The following HDAC4 variants were observed in gnomAD, a reference collection of about 807,000 sequenced individuals.
The protein encoded by HDAC4 is histone deacetylase 4, also known as histone deacetylase A.
HDAC4 carries 16 observed loss-of-function variants against 135.1 expected under a neutral mutation model. That is an observed-to-expected ratio of 0.12 (90% CI 0.08 to 0.18). HDAC4 has a LOEUF of 0.18. Among genes scored for constraint, HDAC4 ranks in the 10% least tolerant of loss-of-function variants. HDAC4 has a pLI of 1.00. For synonymous variants in HDAC4, 685 were observed against 653.4 expected, an observed-to-expected ratio of 1.05 and a Z score of -0.74; for missense variants, 1,143 against 1,511.8, an observed-to-expected ratio of 0.76 and a Z score of 4.05.
intron 6 of HDAC4, 128 bp downstream of exon 6, chr2:239,163,675 G>T: frequency 1.0e-6 from 1 of 979,280 alleles, no homozygotes; most frequent in South Asian, 1.3e-5. Context: ...CTGTGCTTGG[G>T]GTTTCAATTC....
chr2:239,205,215 G>C (rs1400838607), intron 3 of HDAC4, among the ~76,000 whole-genome samples: 1 of 152,174 alleles, frequency 6.6e-6, no homozygotes, highest in Non-Finnish European at 1.5e-5. Context: ...AAGATAGATG[G>C]CTGACAATTT....
At chr2:239,101,876 G>A (rs1481503552) in intron 16 of HDAC4, among the ~76,000 whole-genome samples, 9 of 149,270 alleles carry the variant, frequency 6.0e-5, no homozygotes, top group Non-Finnish European at 1.2e-4. Context: ...GGACACCCCC[G>A]GCCCCGGGTC....
chr2:239,249,275 C>T (rs1020590168), intron 2 of HDAC4, among the ~76,000 whole-genome samples: 4 of 152,218 alleles, frequency 2.6e-5, no homozygotes, highest in African/African-American at 9.6e-5. Context: ...AAGGACCTTC[C>T]ATTCCGACTT....
At chr2:239,181,132 G>A (rs745927551) in intron 4 of HDAC4, among the ~76,000 whole-genome samples, 20 of 152,210 alleles carry the variant, frequency 1.3e-4, no homozygotes, top group Non-Finnish European at 1.9e-4. Context: ...AGGACCTGCC[G>A]GCTCTCCTCA....
intron 7 of HDAC4, among the ~76,000 whole-genome samples, chr2:239,147,931 C>T (rs2041867805): frequency 6.6e-6 from 1 of 152,244 alleles, no homozygotes; most frequent in Non-Finnish European, 1.5e-5. Flanking sequence ...ACTTAAACAT[C>T]CTGAGAGTCA....
At chr2:239,320,698 T>C (rs2053279851) in intron 2 of HDAC4, among the ~76,000 whole-genome samples, 2 of 152,166 alleles carry the variant, frequency 1.3e-5, no homozygotes, top group Admixed American at 1.3e-4. Context: ...TTATTTTGGT[T>C]CTTCCCATCT....
intron 3 of HDAC4, among the ~76,000 whole-genome samples, chr2:239,206,080 C>T (rs1049591798): frequency 2.0e-5 from 3 of 152,170 alleles, no homozygotes; most frequent in Non-Finnish European, 2.9e-5. Context: ...TGCAATCCCA[C>T]ACTTTGGGAG....
At chr2:239,317,918 G>C (rs779592150) in intron 2 of HDAC4, among the ~76,000 whole-genome samples, 1 of 151,790 alleles carries the variant, frequency 6.6e-6, no homozygotes. Flanking sequence ...AGGGCTTCCC[G>C]TCCTGAATGT....
At chr2:239,294,061 G>A (rs1052043910) in intron 2 of HDAC4, among the ~76,000 whole-genome samples, 12 of 152,300 alleles carry the variant, frequency 7.9e-5, no homozygotes, top group Admixed American at 1.3e-4. Context: ...TCGTCTCCCA[G>A]CCCACCCTCT....
chr2:239,068,449 G>A lies in HDAC4; in HGVS notation c.2869+40C>T, dbSNP rs769647183. 4 of 1,405,602 alleles carry A rather than the reference G, an allele frequency of 2.8e-6. No individual in the cohort carries two copies. The highest frequency in any genetic ancestry group is 4.0e-6 in the Non-Finnish European group (4 of 989,936). 87.1% of individuals were successfully genotyped at this position (1,405,602 alleles called of 1,614,324 possible). A position where few individuals can be genotyped will look rare whatever the true frequency, so the allele number is the denominator to read the frequency against. On this transcript the variant is annotated intron_variant, in intron 23 of 26. Transcript: ENST00000543185. The surrounding 1 kb of genome is among the most constrained non-coding windows in gnomAD (Gnocchi z 4.4). Reference sequence around the variant, plus strand: ...GCGGAACACAGCGGATCATGGACATGAGCAGAACCGGCTCCTCAGTCATAT... The same window carrying A: ...GCGGAACACAGCGGATCATGGACATAAGCAGAACCGGCTCCTCAGTCATAT...
At chr2:239,375,500 C>G (rs1171246479) in intron 1 of HDAC4, among the ~76,000 whole-genome samples, 1 of 152,206 alleles carries the variant, frequency 6.6e-6, no homozygotes, top group African/African-American at 2.4e-5. Context: ...CATGCAGATT[C>G]AGCCCCACCA....
At chr2:239,147,286 G>A (rs2152924008) in intron 7 of HDAC4, among the ~76,000 whole-genome samples, 2 of 152,368 alleles carry the variant, frequency 1.3e-5, no homozygotes, top group East Asian at 3.9e-4. Context: ...CCTGCTTTCA[G>A]GGTGGCCAGC....
At chr2:239,159,210 T>C (rs1005577130) in intron 6 of HDAC4, among the ~76,000 whole-genome samples, 3 of 141,438 alleles carry the variant, frequency 2.1e-5, no homozygotes, top group Non-Finnish European at 4.6e-5. Context: ...ACACCTCACA[T>C]TACTCACACC....
Position 239,139,573 on chromosome 2 carries a change from C to G in HDAC4, c.978+111G>C, listed in dbSNP as rs2041206361. ...GCTCACAGGCCACTTTCCCTCACCC[C>G]AAATTGGAAGGTGAAGAGTGAAGGG... is the stretch of plus-strand genomic sequence containing the variant. On this transcript the variant is annotated intron_variant, in intron 9 of 26. Transcript: ENST00000543185. This position sits in a 1 kb window ranked among gnomAD's most constrained non-coding sequence, Gnocchi z 5.3. The G allele has an allele frequency of 2.0e-6, 2 of 1,012,914 alleles. No homozygotes were observed. Among genetic ancestry groups the G allele is most frequent in the Admixed American group, 3.4e-5 (2 of 59,076 alleles). The allele number at this position is 1,012,914 out of a possible 1,614,324, so 62.7% of individuals were successfully genotyped here. A position where few individuals can be genotyped will look rare whatever the true frequency, so the allele number is the denominator to read the frequency against.
At chr2:239,196,837 A>G (rs889704249) in intron 3 of HDAC4, among the ~76,000 whole-genome samples, 2 of 152,204 alleles carry the variant, frequency 1.3e-5, no homozygotes, top group South Asian at 2.1e-4. Context: ...GAGTGGGGCC[A>G]TGTGGTCAAC....
At chr2:239,175,955 G>A (rs757133798) in intron 5 of HDAC4, among the ~76,000 whole-genome samples, 15 of 152,132 alleles carry the variant, frequency 9.9e-5, no homozygotes, top group Non-Finnish European at 2.1e-4. Context: ...CTAACCATGG[G>A]TGGGCTGACA....
Position 239,059,937 on chromosome 2 carries a change from C to CG in HDAC4, c.3004-5105dup, listed in dbSNP as rs564424658. Among the ~76,000 whole-genome samples the CG allele has an allele frequency of 2.3e-3, 357 of 152,188 alleles. 4 individuals are homozygous for CG. Among genetic ancestry groups the CG allele is most frequent in the Admixed American group, 0.02 (308 of 15,286 alleles). On this transcript the variant is annotated intron_variant, in intron 24 of 26. Coordinates refer to ENST00000543185, the MANE Select transcript of HDAC4 (RefSeq NM_001378414.1). ...CCCACCAGCCTGCAGGAGAGCTCTCCGGGGGCCCTTGGATCCACCCACGTC... is the reference window on the plus strand; with the variant it reads ...CCCACCAGCCTGCAGGAGAGCTCTCCGGGGGGCCCTTGGATCCACCCACGTC...
rs938222442 is a variant in HDAC4, at chr2:239,366,053, G to A, written c.-219-13135C>T. ...CAGAGCAGGGTCGTCAGGGTCACGC[G>A]TGTGGCACTGGCGGACACACACAAA... is the stretch of plus-strand genomic sequence containing the variant. On this transcript the variant is annotated intron_variant, in intron 1 of 26. Coordinates refer to ENST00000543185, the MANE Select transcript of HDAC4 (RefSeq NM_001378414.1). Among the ~76,000 whole-genome samples, 7 of 148,962 alleles carry A rather than the reference G, an allele frequency of 4.7e-5. No homozygotes were observed. In the East Asian group the frequency reaches 8.0e-4, roughly 17 times the overall value.
intron 7 of HDAC4, among the ~76,000 whole-genome samples, chr2:239,156,270 G>T (rs1203200052): frequency 1.3e-5 from 2 of 152,190 alleles, no homozygotes; most frequent in Admixed American, 6.5e-5. Flanking sequence ...ATCCCTGAAG[G>T]CCACAGGCTC....
Sources: allele counts gnomAD v4.1 joint callset (sites outside exome capture counted in the v4.1 genomes callset), GRCh38; gene constraint gnomAD v4.1.1; non-coding constraint Gnocchi (gnomAD v3.1); transcripts MANE v1.5; gene names NCBI Gene and HGNC (gene_info 2026-07-23, HGNC 2026-07-21).